Variants in ANKRD11 observed in about 807,000 individuals in gnomAD.
ANKRD11 encodes the protein ankyrin repeat domain-containing protein 11.
ANKRD11 carries 17 observed loss-of-function variants against 195.7 expected under a neutral mutation model. The observed-to-expected ratio is 0.09, with a 90% CI of 0.06 to 0.13. The LOEUF is 0.13. Among genes scored for constraint, ANKRD11 ranks in the 10% least tolerant of loss-of-function variants. The pLI, the probability that ANKRD11 is intolerant of heterozygous loss-of-function variation, is 1.00. For missense variants in ANKRD11, 3,735 were observed against 3,566.1 expected (o/e 1.05, Z -1.21); for synonymous variants, 1,953 against 1,528.1 (o/e 1.28, Z -6.49).
chr16:89,490,197 C>G (rs978574172), intron 1 of ANKRD11, 48 bp downstream of exon 1: 1 of 150,304 alleles, frequency 6.7e-6, no homozygotes, highest in African/African-American at 2.4e-5. Flanking sequence ...CGCGCGAATG[C>G]CCCGTGCCCG....
intron 1 of ANKRD11, among the ~76,000 whole-genome samples, chr16:89,427,196 A>T (rs2042751310): frequency 6.6e-6 from 1 of 152,258 alleles, no homozygotes; most frequent in Non-Finnish European, 1.5e-5. Context: ...ATTTAGCAAC[A>T]AATTTAACCA....
At chr16:89,388,293 A>ATTTGTTTTTTTTTTT (rs2041016384) in intron 2 of ANKRD11, among the ~76,000 whole-genome samples, 1 of 85,266 alleles carries the variant, frequency 1.2e-5, no homozygotes, top group East Asian at 4.0e-4. Context: ...CATGAGGCTG[A>ATTTGTTTTTTTTTTT]TTTTTTTTTT....
intron 6 of ANKRD11, 106 bp downstream of exon 6, chr16:89,290,516 CAAT>C: frequency 9.6e-7 from 1 of 1,045,126 alleles, no homozygotes; most frequent in Non-Finnish European, 1.4e-6. Flanking sequence ...CTCAGGGCTC[CAAT>C]GGGGGGAGGC....
At chr16:89,452,779 C>CAAAAAAA (rs11401095) in intron 1 of ANKRD11, among the ~76,000 whole-genome samples, 1 of 73,470 alleles carries the variant, frequency 1.4e-5, no homozygotes, top group Non-Finnish European at 2.5e-5. Flanking sequence ...GACTCTATCT[C>CAAAAAAA]AAAAAAAAAA....
At chr16:89,311,053 G>A (rs1367605065) in intron 3 of ANKRD11, among the ~76,000 whole-genome samples, 1 of 152,224 alleles carries the variant, frequency 6.6e-6, no homozygotes, top group African/African-American at 2.4e-5. Context: ...CTGTCAGGTT[G>A]AGGAAATTCC....
chr16:89,275,343 G>T, intron 9 of ANKRD11, 152 bp from the exon 10 acceptor site: 1 of 659,830 alleles, frequency 1.5e-6, no homozygotes, highest in South Asian at 1.8e-5. Flanking sequence ...AGACACACCA[G>T]GAAGCTTCTA....
intron 2 of ANKRD11, among the ~76,000 whole-genome samples, chr16:89,411,542 T>C (rs1256276083): frequency 6.6e-6 from 1 of 152,132 alleles, no homozygotes; most frequent in Non-Finnish European, 1.5e-5. Flanking sequence ...ACCTCCTGAG[T>C]AACCATGACG....
chr16:89,462,459 T>G (rs2056713693), intron 1 of ANKRD11, among the ~76,000 whole-genome samples: 1 of 152,208 alleles, frequency 6.6e-6, no homozygotes, highest in East Asian at 1.9e-4. Flanking sequence ...CCTCCCAAAG[T>G]GCCGAGACTG....
intron 2 of ANKRD11, among the ~76,000 whole-genome samples, chr16:89,327,893 G>T (rs1485265745): frequency 1.3e-5 from 2 of 152,148 alleles, no homozygotes; most frequent in African/African-American, 2.4e-5. Flanking sequence ...AAACGACCTC[G>T]ACAAAATTAA....
intron 11 of ANKRD11, chr16:89,271,237 ACTT>A: frequency 3.4e-6 from 1 of 295,644 alleles, no homozygotes. Flanking sequence ...CCTGGGAGAG[ACTT>A]TTTTTTTTTT....
chr16:89,406,463 C>A (rs532961436), intron 2 of ANKRD11, among the ~76,000 whole-genome samples: 41 of 152,310 alleles, frequency 2.7e-4, no homozygotes, highest in African/African-American at 9.1e-4. Flanking sequence ...GCCGCACGGG[C>A]AAAGGAGCCA....
chr16:89,321,496 C>G (rs1052063071), intron 2 of ANKRD11, among the ~76,000 whole-genome samples: 1 of 151,128 alleles, frequency 6.6e-6, no homozygotes, highest in Non-Finnish European at 1.5e-5. Context: ...GGAGCCGCAG[C>G]TGCGGGGCAG....
intron 2 of ANKRD11, among the ~76,000 whole-genome samples, chr16:89,378,845 T>G (rs1162956748): frequency 6.6e-6 from 1 of 152,092 alleles, no homozygotes; most frequent in Non-Finnish European, 1.5e-5. Context: ...TTTATCCATG[T>G]TTTAAGGGGT....
At chr16:89,438,447 G>GTA (rs2043307894) in intron 1 of ANKRD11, among the ~76,000 whole-genome samples, 1 of 152,060 alleles carries the variant, frequency 6.6e-6, no homozygotes, top group African/African-American at 2.4e-5. Context: ...ACCCACCCGA[G>GTA]TAGCTGGGAC....
In ANKRD11 at chr16:89,282,333, T is replaced by G; in HGVS notation, c.4209A>C (p.Gly1403=). Residue 1403 remains glycine, a synonymous_variant, in exon 9 of 13, where the codon GGA becomes GGC. Coordinates refer to ENST00000301030, the MANE Select transcript of ANKRD11 (RefSeq NM_013275.6). The stretch of plus-strand genomic sequence containing the variant: ...TGTCAGCTTTCATGTTGTAAGAAAC[T>G]CCGTAAGCATCCGCCTCCAGGAAGT... ...EKDFLEADAY[G]VSYNMKADIE... The G allele has an allele frequency of 6.2e-7, 1 of 1,614,178 alleles. No homozygotes were observed. Among genetic ancestry groups the G allele is most frequent in the East Asian group, 2.2e-5 (1 of 44,876 alleles).
At chr16:89,300,675 T>C in intron 4 of ANKRD11, 1 of 533,170 alleles carries the variant, frequency 1.9e-6, no homozygotes, top group Admixed American at 3.7e-5. Flanking sequence ...AGAACAGCCG[T>C]CTCCTATCTG....
chr16:89,481,116 G>C (rs1380522243), intron 1 of ANKRD11, among the ~76,000 whole-genome samples: 2 of 152,042 alleles, frequency 1.3e-5, no homozygotes, highest in Non-Finnish European at 2.9e-5. Flanking sequence ...CCTAACTAAT[G>C]TTTGCCCCAT....
At chr16:89,334,165 A>AAAAAAAAAG (rs2038219555) in intron 2 of ANKRD11, among the ~76,000 whole-genome samples, 2 of 145,026 alleles carry the variant, frequency 1.4e-5, no homozygotes, top group Admixed American at 7.0e-5. Context: ...AAAAAAAAAA[A>AAAAAAAAAG]AAAAAAAACA....
intron 1 of ANKRD11, among the ~76,000 whole-genome samples, chr16:89,466,878 T>C (rs572402943): frequency 6.6e-6 from 1 of 152,304 alleles, no homozygotes; most frequent in South Asian, 2.1e-4. Flanking sequence ...CAGCTCCTGC[T>C]CCCTTCCCTG....
Sources: gnomAD v4.1 joint callset for allele counts (sites outside exome capture counted in the v4.1 genomes callset) on GRCh38, gnomAD v4.1.1 for gene constraint, MANE v1.5 for transcripts, NCBI Gene and HGNC (gene_info 2026-07-23, HGNC 2026-07-21) for gene names.